Variants in ARHGAP22 observed in about 807,000 individuals in gnomAD.
ARHGAP22 encodes the protein rho GTPase-activating protein 22.
ARHGAP22 carries 48 observed loss-of-function variants against 59.1 expected under a neutral mutation model. The observed-to-expected ratio is 0.81, with a 90% confidence interval of 0.64 to 1.03. ARHGAP22 has a LOEUF of 1.03. Ranked by LOEUF, ARHGAP22 falls within the 50% of genes least tolerant of loss-of-function variation. The pLI is 0.00. For missense variants in ARHGAP22, 1,015 were observed against 958.7 expected (o/e 1.06, Z -0.78); for synonymous variants, 445 against 416.4 (o/e 1.07, Z -0.84).
intron 3 of ARHGAP22, among the ~76,000 whole-genome samples, chr10:48,509,011 G>A (rs1410161001): frequency 1.3e-5 from 2 of 152,210 alleles, no homozygotes; most frequent in East Asian, 3.9e-4. Context: ...ACAGGGGAAG[G>A]CAGAGAATGC....
chr10:48,471,277 G>A (rs769689644), intron 4 of ARHGAP22, among the ~76,000 whole-genome samples: 15 of 152,108 alleles, frequency 9.9e-5, no homozygotes, highest in East Asian at 3.9e-4. Context: ...CCCATGCCCC[G>A]CCCCAGCACC....
intron 8 of ARHGAP22, chr10:48,451,474 G>T: frequency 1.4e-6 from 1 of 702,534 alleles, no homozygotes; most frequent in Non-Finnish European, 2.6e-6. Context: ...GTTGGAACTG[G>T]AACCTGGGAC....
chr10:48,566,934 G>C (rs1479822213), intron 2 of ARHGAP22, among the ~76,000 whole-genome samples: 1 of 152,220 alleles, frequency 6.6e-6, no homozygotes, highest in African/African-American at 2.4e-5. Flanking sequence ...TCATGAATGA[G>C]CCCAGGGCCT....
intron 5 of ARHGAP22, among the ~76,000 whole-genome samples, chr10:48,458,544 C>G (rs2046810903): frequency 6.6e-6 from 1 of 152,262 alleles, no homozygotes; most frequent in East Asian, 1.9e-4. Flanking sequence ...AGGGGAGTGG[C>G]AAGGTCTGAT....
chr10:48,517,578 G>A (rs983561078), intron 3 of ARHGAP22, among the ~76,000 whole-genome samples: 2 of 152,146 alleles, frequency 1.3e-5, no homozygotes, highest in Non-Finnish European at 2.9e-5. Context: ...CCTAAGGGCC[G>A]AGGTCAGGGA....
chr10:48,645,194 G>A (rs764385408), intron 1 of ARHGAP22, among the ~76,000 whole-genome samples: 29 of 152,026 alleles, frequency 1.9e-4, no homozygotes, highest in Non-Finnish European at 4.0e-4. Context: ...CGCCACAGAC[G>A]TATAAATAGG....
In ARHGAP22 at chr10:48,520,150, T is replaced by C. The variant is rs931130038; in HGVS notation, c.322+35313A>G. ...GTGGGAGTGCGGGACTGCACTGGAGTCTAATGAGGGGCTCTGGATCTGCAG... is the reference window on the plus strand; with the variant it reads ...GTGGGAGTGCGGGACTGCACTGGAGCCTAATGAGGGGCTCTGGATCTGCAG... On this transcript the variant is annotated intron_variant, in intron 3 of 9. Transcript: ENST00000249601. 1.5e-4 allele frequency among the ~76,000 whole-genome samples: 22 copies of C among 151,128 alleles called. No homozygotes were observed. The Middle Eastern group carries it at 0.014, about 93-fold the overall frequency.
At chr10:48,616,005 G>C (rs2061067054) in intron 1 of ARHGAP22, among the ~76,000 whole-genome samples, 1 of 151,852 alleles carries the variant, frequency 6.6e-6, no homozygotes, top group African/African-American at 2.4e-5. Flanking sequence ...GATGCCTGTG[G>C]GATATTGTCA....
intron 4 of ARHGAP22, among the ~76,000 whole-genome samples, chr10:48,466,270 C>A (rs1332125714): frequency 2.7e-4 from 1 of 3,702 alleles, no homozygotes; most frequent in East Asian, 0.25. Flanking sequence ...AGTCCCTGCG[C>A]CCCCCCCCAG....
At chr10:48,628,540 C>T (rs186626633) in intron 1 of ARHGAP22, among the ~76,000 whole-genome samples, 14 of 152,186 alleles carry the variant, frequency 9.2e-5, no homozygotes, top group Admixed American at 9.2e-4. Flanking sequence ...GAGTTGACTG[C>T]CTGTTCTGTT....
chr10:48,589,800 G>T (rs1299437436), intron 1 of ARHGAP22, among the ~76,000 whole-genome samples: 1 of 152,056 alleles, frequency 6.6e-6, no homozygotes, highest in African/African-American at 2.4e-5. Flanking sequence ...CTCCAAAATA[G>T]ATATGCAGCT....
intron 4 of ARHGAP22, among the ~76,000 whole-genome samples, chr10:48,478,684 A>T (rs78631674): frequency 0.037 from 5,604 of 152,192 alleles, 141 homozygotes; most frequent in Non-Finnish European, 0.056. Flanking sequence ...TTTCATGACC[A>T]CTTCATATGG....
At chr10:48,632,169 C>G (rs78790754) in intron 1 of ARHGAP22, among the ~76,000 whole-genome samples, 3 of 152,176 alleles carry the variant, frequency 2.0e-5, no homozygotes, top group South Asian at 2.1e-4. Flanking sequence ...AATTCTTACG[C>G]CTTTGCATCC....
intron 3 of ARHGAP22, among the ~76,000 whole-genome samples, chr10:48,543,346 T>C (rs183245446): frequency 7.0e-4 from 107 of 152,164 alleles, no homozygotes; most frequent in African/African-American, 2.4e-3. Flanking sequence ...TCAAACACAG[T>C]CCAGGGACAT....
At chr10:48,617,416 C>T (rs963931172) in intron 1 of ARHGAP22, among the ~76,000 whole-genome samples, 2 of 151,970 alleles carry the variant, frequency 1.3e-5, no homozygotes, top group African/African-American at 2.4e-5. Flanking sequence ...TTTTCATCAG[C>T]ACGTGGAATA....
intron 1 of ARHGAP22, among the ~76,000 whole-genome samples, chr10:48,645,494 T>C (rs1450251353): frequency 6.6e-6 from 1 of 152,166 alleles, no homozygotes; most frequent in Non-Finnish European, 1.5e-5. Context: ...TGTACATCTA[T>C]TACACATCTA....
chr10:48,618,806 C>T (rs537894148), intron 1 of ARHGAP22, among the ~76,000 whole-genome samples: 118 of 152,132 alleles, frequency 7.8e-4, no homozygotes, highest in Non-Finnish European at 1.2e-3. Flanking sequence ...TGCCCACTCT[C>T]GCCACTGTTA....
intron 4 of ARHGAP22, among the ~76,000 whole-genome samples, chr10:48,476,707 A>T (rs2048783653): frequency 6.6e-6 from 1 of 152,238 alleles, no homozygotes; most frequent in Admixed American, 6.5e-5. Context: ...GATAAATGCC[A>T]GGCCTGGGGA....
At chr10:48,618,217 C>T (rs762466743) in intron 1 of ARHGAP22, among the ~76,000 whole-genome samples, 3 of 151,928 alleles carry the variant, frequency 2.0e-5, no homozygotes, top group Non-Finnish European at 4.4e-5. Flanking sequence ...TTAAATGTCT[C>T]CCATCAAAGA....
Sources: gnomAD v4.1 joint callset for allele counts (sites outside exome capture counted in the v4.1 genomes callset) on GRCh38, gnomAD v4.1.1 for gene constraint, MANE v1.5 for transcripts, NCBI Gene and HGNC (gene_info 2026-07-23, HGNC 2026-07-21) for gene names.